The following ORC5 variants were observed in gnomAD, a reference collection of about 807,000 sequenced individuals.
ORC5 encodes protein phosphatase 1, regulatory subunit 117.
In ORC5, 39 loss-of-function variants were observed where a neutral mutation model predicts 58.8. The observed-to-expected ratio is 0.66, with a 90% CI of 0.51 to 0.87. The LOEUF is 0.87. Among genes scored for constraint, ORC5 ranks in the 40% least tolerant of loss-of-function variants. The pLI, the probability that ORC5 is intolerant of heterozygous loss-of-function variation, is 0.00. For synonymous variants in ORC5, 218 were observed against 177.6 expected (o/e 1.23, Z -1.81); for missense variants, 493 against 506.3 (o/e 0.97, Z 0.25).
In ORC5 at chr7:104,205,257, T is replaced by C. The variant is rs1029916257; in HGVS notation, c.73-1023A>G. ...GGTGTGTGCCACCACACCCAGCTAA[T>C]TTTTGTATTTTTAGTTAAGACGGAG... On this transcript the variant is annotated intron_variant, in intron 1 of 13. Coordinates refer to ENST00000297431, the MANE Select transcript of ORC5 (RefSeq NM_002553.4). Among the ~76,000 whole-genome samples the C allele has an allele frequency of 4.0e-5, 6 of 151,860 alleles. 1 individual carries two copies. The highest frequency in any genetic ancestry group is 5.9e-5 in the Non-Finnish European group (4 of 67,980).
chr7:104,139,286 C>G (rs1798636545), intron 12 of ORC5, among the ~76,000 whole-genome samples: 1 of 152,168 alleles, frequency 6.6e-6, no homozygotes, highest in South Asian at 2.1e-4. Flanking sequence ...ATTAAGTACT[C>G]TATACACATT....
At chr7:104,170,284 C>T (rs930719815) in intron 8 of ORC5, among the ~76,000 whole-genome samples, 6 of 152,082 alleles carry the variant, frequency 3.9e-5, no homozygotes, top group African/African-American at 1.4e-4. Flanking sequence ...GCTCTGCCTC[C>T]AAAGATACCA....
At chr7:104,190,619 A>T (rs1799654228) in intron 5 of ORC5, among the ~76,000 whole-genome samples, 1 of 152,144 alleles carries the variant, frequency 6.6e-6, no homozygotes, top group Non-Finnish European at 1.5e-5. Flanking sequence ...AAAATTTCCC[A>T]GTCATAATAC....
Position 104,184,116 on chromosome 7 carries a change from C to T in ORC5, c.733+7G>A, listed in dbSNP as rs749187818. 3.1e-6 allele frequency: 5 copies of T among 1,588,866 alleles called. No homozygotes were observed. Among genetic ancestry groups the T allele is most frequent in the Admixed American group, 3.4e-5 (2 of 58,476 alleles). On this transcript the variant is annotated splice_region_variant and intron_variant, in intron 7 of 13. Coordinates refer to ENST00000297431, the MANE Select transcript of ORC5 (RefSeq NM_002553.4). ...ATAAATATTAATGAGTAAAATTACA[C>T]AGTTACCTTCTCCTTTAACCACGGG...
intron 3 of ORC5, among the ~76,000 whole-genome samples, chr7:104,199,560 T>C (rs997308814): frequency 2.0e-5 from 3 of 152,372 alleles, no homozygotes; most frequent in South Asian, 4.1e-4. Flanking sequence ...ACAGCCCCTT[T>C]GTTTGGGCCA....
In ORC5 at chr7:104,184,103, G is replaced by T. The variant is rs199595122; in HGVS notation, c.733+20C>A. On this transcript the variant is annotated intron_variant, in intron 7 of 13. Coordinates refer to ENST00000297431, the MANE Select transcript of ORC5 (RefSeq NM_002553.4). Reference sequence around the variant, plus strand: ...AACCTTTCTCAAAATAAATATTAATGAGTAAAATTACACAGTTACCTTCTC... The same window carrying T: ...AACCTTTCTCAAAATAAATATTAATTAGTAAAATTACACAGTTACCTTCTC... The T allele has an allele frequency of 7.6e-6, 12 of 1,588,538 alleles. No homozygotes were observed. The Admixed American group carries it at 1.7e-4, about 23-fold the overall frequency.
intron 9 of ORC5, chr7:104,168,236 T>G (rs948073383): frequency 1.6e-4 from 166 of 1,060,590 alleles, no homozygotes; most frequent in Non-Finnish European, 2.0e-4. Context: ...TTGATTTTCA[T>G]GATATAATCC....
intron 3 of ORC5, among the ~76,000 whole-genome samples, chr7:104,199,932 G>A (rs1436789247): frequency 6.6e-6 from 1 of 152,150 alleles, no homozygotes; most frequent in Non-Finnish European, 1.5e-5. Flanking sequence ...AATCTTGGGG[G>A]TGGTTCCCCC....
chr7:104,169,673 A>G (rs1799175301), intron 8 of ORC5, among the ~76,000 whole-genome samples: 1 of 152,340 alleles, frequency 6.6e-6, no homozygotes, highest in Admixed American at 6.5e-5. Context: ...GGTGGAAGTG[A>G]TAAGGATGAG....
intron 10 of ORC5, 172 bp from the exon 11 acceptor site, chr7:104,165,454 C>A: frequency 4.4e-6 from 2 of 450,506 alleles, no homozygotes; most frequent in Non-Finnish European, 7.9e-6. Context: ...ATATTTTAGG[C>A]CAATTTCGTT....
At chr7:104,206,966 A>C (rs2116133001) in intron 1 of ORC5, among the ~76,000 whole-genome samples, 2 of 152,318 alleles carry the variant, frequency 1.3e-5, no homozygotes, top group Middle Eastern at 6.8e-3. Context: ...TCTGATATTC[A>C]CAGGGATTAA....
At chr7:104,189,743 G>A (rs1799631799) in intron 5 of ORC5, among the ~76,000 whole-genome samples, 1 of 152,178 alleles carries the variant, frequency 6.6e-6, no homozygotes, top group Non-Finnish European at 1.5e-5. Flanking sequence ...CTTGTCCTGT[G>A]TACCTGTTCA....
At chr7:104,168,669 T>TTTTTTTTTTTTTTTTTTTTTTGA in intron 8 of ORC5, 144 bp from the exon 9 acceptor site, 1 of 477,396 alleles carries the variant, frequency 2.1e-6, no homozygotes, top group Non-Finnish European at 3.7e-6. Flanking sequence ...TAAACATGTT[T>TTTTTTTTTTTTTTTTTTTTTTGA]GTACCTGTAC....
At chr7:104,159,057 G>A (rs564384501) in intron 12 of ORC5, among the ~76,000 whole-genome samples, 1 of 151,810 alleles carries the variant, frequency 6.6e-6, no homozygotes, top group Admixed American at 6.6e-5. Flanking sequence ...ATTCACAATA[G>A]CAAAGACTTG....
chr7:104,176,999 A>C (rs937488958), intron 8 of ORC5, among the ~76,000 whole-genome samples: 9 of 152,238 alleles, frequency 5.9e-5, no homozygotes, highest in Admixed American at 2.0e-4. Flanking sequence ...TGGTTTAATA[A>C]AAACAGCTGT....
intron 12 of ORC5, among the ~76,000 whole-genome samples, chr7:104,139,233 C>T (rs17159362): frequency 0.022 from 3,293 of 152,258 alleles, 79 homozygotes; most frequent in South Asian, 0.12. Flanking sequence ...GTAAACATCC[C>T]ATGAATAATA....
intron 12 of ORC5, among the ~76,000 whole-genome samples, chr7:104,156,477 TAA>T: frequency 6.6e-6 from 1 of 151,782 alleles, no homozygotes; most frequent in Non-Finnish European, 1.5e-5. Flanking sequence ...TAATAAACTT[TAA>T]AGAGTCCTTG....
At chr7:104,180,323 C>T (rs1214534498) in intron 8 of ORC5, among the ~76,000 whole-genome samples, 2 of 126,572 alleles carry the variant, frequency 1.6e-5, no homozygotes, top group Non-Finnish European at 3.9e-5. Context: ...AAATATTTTG[C>T]ATTTTATCAA....
chr7:104,187,067 A>G (rs911638839), intron 6 of ORC5, among the ~76,000 whole-genome samples: 1 of 152,168 alleles, frequency 6.6e-6, no homozygotes, highest in African/African-American at 2.4e-5. Flanking sequence ...AGATTCCCAC[A>G]GGATTCGAGT....
Sources: allele counts gnomAD v4.1 joint callset (sites outside exome capture counted in the v4.1 genomes callset), GRCh38; gene constraint gnomAD v4.1.1; transcripts MANE v1.5; gene names NCBI Gene and HGNC (gene_info 2026-07-23, HGNC 2026-07-21).